The following PDE1A variants were observed in gnomAD, a reference collection of about 807,000 sequenced individuals.
The protein encoded by PDE1A is phosphodiesterase 1A, also known as dual specificity calcium/calmodulin-dependent 3',5'-cyclic nucleotide phosphodiesterase 1A.
In PDE1A, 35 loss-of-function variants were observed where a neutral mutation model predicts 61.7. The observed-to-expected ratio is 0.57, with a 90% CI of 0.43 to 0.75. PDE1A has a LOEUF of 0.75. Ranked by LOEUF, PDE1A falls within the 30% of genes least tolerant of loss-of-function variation. The probability of loss-of-function intolerance (pLI) is 0.00; values close to 1 mark genes in which losing one functional copy is unlikely to be tolerated. For synonymous variants in PDE1A, 232 were observed against 213.2 expected (o/e 1.09, Z -0.77); for missense variants, 597 against 630.6 (o/e 0.95, Z 0.57).
At chr2:182,360,048 T>G (rs1467396338) in intron 1 of PDE1A, among the ~76,000 whole-genome samples, 1 of 152,090 alleles carries the variant, frequency 6.6e-6, no homozygotes, top group Non-Finnish European at 1.5e-5. Context: ...CAATGATTAT[T>G]CTATGAAAAC....
chr2:182,513,270 C>T (rs1294838256), intron 2 of PDE1A, among the ~76,000 whole-genome samples: 1 of 152,162 alleles, frequency 6.6e-6, no homozygotes, highest in Non-Finnish European at 1.5e-5. Context: ...ACTCTACAAG[C>T]CAGAAGAGAC....
the PDE1A span, among the ~76,000 whole-genome samples, chr2:182,575,617 A>G: frequency 7.3e-5 from 11 of 150,832 alleles, no homozygotes; most frequent in South Asian, 2.3e-3. Context: ...AATCCTGGCT[A>G]TGGGAGAAAC....
chr2:182,558,788 C>G, the PDE1A span, among the ~76,000 whole-genome samples: 3 of 152,144 alleles, frequency 2.0e-5, no homozygotes, highest in East Asian at 5.8e-4. Flanking sequence ...TGTCAGTACT[C>G]AAATCATGCA....
At chr2:182,461,835 T>C (rs1686309685) in intron 2 of PDE1A, among the ~76,000 whole-genome samples, 1 of 152,156 alleles carries the variant, frequency 6.6e-6, no homozygotes, top group Non-Finnish European at 1.5e-5. Context: ...CCTCATGGTG[T>C]ATCTCATTGG....
chr2:182,485,807 T>A (rs1687985599), intron 2 of PDE1A, among the ~76,000 whole-genome samples: 1 of 152,088 alleles, frequency 6.6e-6, no homozygotes, highest in South Asian at 2.1e-4. Flanking sequence ...TTCATGATTT[T>A]AAAAAATTCA....
Position 182,393,173 on chromosome 2 carries a change from A to C in PDE1A, c.53+33405T>G, listed in dbSNP as rs542423879. Among the ~76,000 whole-genome samples the C allele has an allele frequency of 3.3e-5, 5 of 152,298 alleles. No individual in the cohort carries two copies. In the East Asian group the frequency reaches 9.7e-4, roughly 29 times the overall value. On this transcript the variant is annotated intron_variant, in intron 1 of 13. Coordinates refer to ENST00000351439, the Ensembl canonical transcript of PDE1A. ...CCAAGCATTTCCATACATCCTCTGA[A>C]ATCTAGGCAGAGGTTCCCAAACTTC... is the stretch of plus-strand genomic sequence containing the variant.
chr2:182,492,574 C>T (rs1049230942), intron 2 of PDE1A, among the ~76,000 whole-genome samples: 8 of 45,746 alleles, frequency 1.7e-4, no homozygotes, highest in East Asian at 0.019. Flanking sequence ...AAATTATTTA[C>T]GGTTATAGAT....
At chr2:182,177,774 A>G (rs1330904099) in intron 13 of PDE1A, among the ~76,000 whole-genome samples, 1 of 152,148 alleles carries the variant, frequency 6.6e-6, no homozygotes, top group Non-Finnish European at 1.5e-5. Context: ...TTCCTCCTGA[A>G]ATATGTCTTT....
the PDE1A span, among the ~76,000 whole-genome samples, chr2:182,566,688 A>G: frequency 6.6e-6 from 1 of 152,112 alleles, no homozygotes; most frequent in Non-Finnish European, 1.5e-5. Context: ...TTTGAGTCCA[A>G]ACTTCTATAA....
At chr2:182,340,430 T>C (rs1698111118) in intron 1 of PDE1A, among the ~76,000 whole-genome samples, 1 of 152,140 alleles carries the variant, frequency 6.6e-6, no homozygotes. Context: ...ACCTCCTTTC[T>C]CATGTGGCAT....
chr2:182,495,124 G>T (rs946329500), intron 2 of PDE1A, among the ~76,000 whole-genome samples: 5 of 152,152 alleles, frequency 3.3e-5, no homozygotes, highest in African/African-American at 1.2e-4. Context: ...CACGTGGCCG[G>T]CAGAGGGACA....
At chr2:182,195,087 C>T (rs1406355117) in intron 10 of PDE1A, among the ~76,000 whole-genome samples, 2 of 152,004 alleles carry the variant, frequency 1.3e-5, no homozygotes, top group Non-Finnish European at 2.9e-5. Context: ...AAATACTTCT[C>T]TTAATTGGTT....
intron 2 of PDE1A, among the ~76,000 whole-genome samples, chr2:182,254,559 C>T (rs1027095770): frequency 6.6e-6 from 1 of 152,154 alleles, no homozygotes; most frequent in Non-Finnish European, 1.5e-5. Flanking sequence ...GTAATTGAGT[C>T]ATGAGCAAGT....
chr2:182,165,061 C>T (rs1691585592), downstream of PDE1A, among the ~76,000 whole-genome samples: 1 of 152,014 alleles, frequency 6.6e-6, no homozygotes, highest in South Asian at 2.1e-4. Flanking sequence ...AGCTAGGTGA[C>T]AATATTTTAC....
intron 1 of PDE1A, among the ~76,000 whole-genome samples, chr2:182,326,408 T>C (rs1697050822): frequency 1.3e-5 from 2 of 152,324 alleles, no homozygotes; most frequent in South Asian, 4.1e-4. Flanking sequence ...AATTCTGGTA[T>C]ATGTTACAAC....
chr2:182,428,840 C>G (rs888378887), upstream of PDE1A, among the ~76,000 whole-genome samples: 7 of 152,032 alleles, frequency 4.6e-5, no homozygotes, highest in African/African-American at 1.4e-4. Context: ...AATTAACTTT[C>G]ATTTTGTCTT....
intron 2 of PDE1A, among the ~76,000 whole-genome samples, chr2:182,434,705 C>A (rs978368529): frequency 6.6e-6 from 1 of 151,902 alleles, no homozygotes; most frequent in Non-Finnish European, 1.5e-5. Context: ...ATTAACAATA[C>A]AACTGAGAAT....
chr2:182,523,498 G>A (rs1690675434), upstream of PDE1A, among the ~76,000 whole-genome samples: 1 of 152,200 alleles, frequency 6.6e-6, no homozygotes. Flanking sequence ...CTATCTGCAA[G>A]CTGCTATAGA....
intron 2 of PDE1A, among the ~76,000 whole-genome samples, chr2:182,462,211 G>A (rs944769846): frequency 9.2e-5 from 14 of 151,864 alleles, no homozygotes; most frequent in African/African-American, 2.7e-4. Flanking sequence ...TGTAAATGAC[G>A]AGTTAATGGG....
Sources: allele counts gnomAD v4.1 joint callset (sites outside exome capture counted in the v4.1 genomes callset), GRCh38; gene constraint gnomAD v4.1.1; transcripts MANE v1.5; gene names NCBI Gene and HGNC (gene_info 2026-07-23, HGNC 2026-07-21).